The following CRACR2A variants were observed in gnomAD, a reference collection of about 807,000 sequenced individuals.
CRACR2A encodes the protein EF-hand calcium-binding domain-containing protein 4B.
Under a neutral mutation model 90.5 loss-of-function variants are expected in CRACR2A, and 79 were observed. That is an observed-to-expected ratio of 0.87 (90% CI 0.73 to 1.05). The LOEUF is 1.05. Among genes scored for constraint, CRACR2A ranks in the 50% least tolerant of loss-of-function variants. The pLI is 0.00. For missense variants in CRACR2A, 823 were observed against 897.2 expected (o/e 0.92, Z 1.06); for synonymous variants, 338 against 356.7 (o/e 0.95, Z 0.59).
At chr12:3,649,672 G>C (rs1385342644) in intron 10 of CRACR2A, among the ~76,000 whole-genome samples, 2 of 152,156 alleles carry the variant, frequency 1.3e-5, no homozygotes, top group Non-Finnish European at 2.9e-5. Context: ...CAACTCAGGT[G>C]GGGAGGTAAG....
intron 13 of CRACR2A, 26 bp from the exon 14 acceptor site, chr12:3,638,480 G>A (rs1236721500): frequency 3.3e-6 from 5 of 1,502,668 alleles, no homozygotes; most frequent in Admixed American, 4.8e-5. Flanking sequence ...AGAGAGAAGA[G>A]TTGGGAGGAT....
intron 1 of CRACR2A, among the ~76,000 whole-genome samples, chr12:3,747,485 G>C (rs1269987777): frequency 1.3e-5 from 2 of 152,210 alleles, no homozygotes; most frequent in Non-Finnish European, 2.9e-5. Context: ...GTGAAGGTAT[G>C]TGGTTATGTG....
chr12:3,630,388 G>A (rs1486727527), intron 15 of CRACR2A, among the ~76,000 whole-genome samples: 1 of 152,120 alleles, frequency 6.6e-6, no homozygotes, highest in Non-Finnish European at 1.5e-5. Flanking sequence ...TGGGGAGCAG[G>A]GGCAGCAAGT....
chr12:3,711,155 T>G lies in CRACR2A; in HGVS notation c.-37+2082A>C, dbSNP rs1167870732. On this transcript the variant is annotated intron_variant, in intron 3 of 19. Transcript: ENST00000440314. This position sits in a 1 kb window ranked among gnomAD's most constrained non-coding sequence, Gnocchi z 4.3. ...TCGGTATTATTCATTCTAAGACAAATTCCTCACCAGCTGTGAACCTGTGAA... is the reference window on the plus strand; with the variant it reads ...TCGGTATTATTCATTCTAAGACAAAGTCCTCACCAGCTGTGAACCTGTGAA... Among the ~76,000 whole-genome samples the G allele has an allele frequency of 3.3e-5, 5 of 152,204 alleles. No individual in the cohort carries two copies. The highest frequency in any genetic ancestry group is 7.3e-5 in the Non-Finnish European group (5 of 68,028).
intron 1 of CRACR2A, among the ~76,000 whole-genome samples, chr12:3,742,285 G>A (rs375244368): frequency 2.0e-5 from 3 of 152,238 alleles, no homozygotes; most frequent in Non-Finnish European, 4.4e-5. Context: ...ACTGTATAAG[G>A]AGAGGGTGAG....
At chr12:3,712,257 C>T (rs1313552287) in intron 3 of CRACR2A, among the ~76,000 whole-genome samples, 1 of 151,916 alleles carries the variant, frequency 6.6e-6, no homozygotes, top group Non-Finnish European at 1.5e-5. Context: ...ACAGTTTCCT[C>T]CCTGCCTATC....
chr12:3,624,568 G>A (rs1286844372), intron 17 of CRACR2A, among the ~76,000 whole-genome samples: 1 of 152,192 alleles, frequency 6.6e-6, no homozygotes, highest in African/African-American at 2.4e-5. Flanking sequence ...TCCTGCACTT[G>A]TTTCTGAAAC....
chr12:3,723,021 T>C (rs1464482928), intron 2 of CRACR2A, among the ~76,000 whole-genome samples: 1 of 152,230 alleles, frequency 6.6e-6, no homozygotes, highest in East Asian at 1.9e-4. Context: ...CATCCAAAAC[T>C]GTATGTTCTC....
chr12:3,729,167 G>T (rs1383361486), intron 2 of CRACR2A: 1 of 152,182 alleles, frequency 6.6e-6, no homozygotes, highest in Non-Finnish European at 1.5e-5. Context: ...CATGTTCTTG[G>T]ATTGAAAGAG....
intron 2 of CRACR2A, among the ~76,000 whole-genome samples, chr12:3,725,200 A>G (rs1393748767): frequency 1.3e-5 from 2 of 152,104 alleles, no homozygotes. Flanking sequence ...CAGGGTTTTA[A>G]TCTATAAGGG....
intron 1 of CRACR2A, among the ~76,000 whole-genome samples, chr12:3,745,233 A>T (rs1441086791): frequency 6.6e-6 from 1 of 152,104 alleles, no homozygotes; most frequent in Non-Finnish European, 1.5e-5. Flanking sequence ...ACCGCAGGCC[A>T]TGGCACCACT....
At position 3,733,973 on chromosome 12, in the gene CRACR2A, A is replaced by ATTTTTTTTTTTT. The variant is rs1166347439; in HGVS notation, c.-386-775_-386-764dup. Among the ~76,000 whole-genome samples the ATTTTTTTTTTTT allele has an allele frequency of 6.0e-5, 6 of 99,780 alleles. 1 individual carries two copies. Among genetic ancestry groups the ATTTTTTTTTTTT allele is most frequent in the Non-Finnish European group, 1.2e-4 (6 of 51,224 alleles). 65.5% of individuals were successfully genotyped at this position (99,780 alleles called of 152,430 possible). Reference sequence around the variant, plus strand: ...TCCTAGACTGGACACATTTTGCCTTATTTTTTTTTTTTTTTGAGATGGAGT... The same window carrying ATTTTTTTTTTTT: ...TCCTAGACTGGACACATTTTGCCTTATTTTTTTTTTTTTTTTTTTTTTTTTTTGAGATGGAGT... On this transcript the variant is annotated intron_variant, in intron 1 of 19. Coordinates refer to ENST00000440314, the MANE Select transcript of CRACR2A (RefSeq NM_001144958.2).
Position 3,733,170 on chromosome 12 carries a change from C to T in CRACR2A, c.-346G>A, listed in dbSNP as rs553212212. ...ACAGCCCAATGGCCCCAGGTGGCTC[C>T]GTGCCAGCCTCCTGAAGGGCAGCTG... On this transcript the variant is annotated 5_prime_UTR_variant, in exon 2 of 20. Coordinates refer to ENST00000440314, the MANE Select transcript of CRACR2A (RefSeq NM_001144958.2). The T allele has an allele frequency of 5.2e-4, 79 of 152,578 alleles. No homozygotes were observed. The highest frequency in any genetic ancestry group is 1.5e-3 in the East Asian group (8 of 5,192). 9.5% of individuals were successfully genotyped at this position (152,578 alleles called of 1,614,324 possible). A position where few individuals can be genotyped will look rare whatever the true frequency, so the allele number is the denominator to read the frequency against.
intron 2 of CRACR2A, chr12:3,731,267 A>C (rs1946356542): frequency 6.6e-6 from 1 of 152,326 alleles, no homozygotes; most frequent in Non-Finnish European, 1.5e-5. Flanking sequence ...GAAACTGAGG[A>C]GCTCCAGGGT....
chr12:3,733,578 T>C (rs563076574), intron 1 of CRACR2A, among the ~76,000 whole-genome samples: 1 of 152,268 alleles, frequency 6.6e-6, no homozygotes, highest in African/African-American at 2.4e-5. Context: ...CTGCAACTTC[T>C]GCAGCCACTT....
At chr12:3,752,302 G>A (rs1486044174) in intron 1 of CRACR2A, among the ~76,000 whole-genome samples, 1 of 151,988 alleles carries the variant, frequency 6.6e-6, no homozygotes, top group African/African-American at 2.4e-5. Context: ...TCCCGTGCAT[G>A]CATGGGTGCA....
At chr12:3,677,089 C>T (rs553637032) in intron 6 of CRACR2A, among the ~76,000 whole-genome samples, 52 of 152,150 alleles carry the variant, frequency 3.4e-4, no homozygotes, top group African/African-American at 1.1e-3. Flanking sequence ...TGCCCAGTCT[C>T]GAACTTCTAG....
chr12:3,637,204 G>A (rs1438974333), intron 14 of CRACR2A, among the ~76,000 whole-genome samples: 3 of 152,186 alleles, frequency 2.0e-5, no homozygotes, highest in Admixed American at 6.5e-5. Flanking sequence ...AGTGTGATTC[G>A]CTGATTAAGA....
intron 4 of CRACR2A, among the ~76,000 whole-genome samples, chr12:3,688,498 T>C (rs1308142964): frequency 2.6e-5 from 4 of 152,200 alleles, no homozygotes; most frequent in South Asian, 2.1e-4. Context: ...CAGATGGTTG[T>C]GGGTGTGCAG....
Sources: gnomAD v4.1 joint callset for allele counts (sites outside exome capture counted in the v4.1 genomes callset) on GRCh38, gnomAD v4.1.1 for gene constraint, Gnocchi (gnomAD v3.1) non-coding constraint, MANE v1.5 for transcripts, NCBI Gene and HGNC (gene_info 2026-07-23, HGNC 2026-07-21) for gene names.